CBX1: variants seen among roughly 807,000 people sequenced by gnomAD.
CBX1 encodes chromobox protein homolog 1.
A neutral mutation model predicts 25.1 loss-of-function variants in CBX1; 10 were observed. The ratio of observed to expected loss-of-function variants is 0.40; its 90% CI spans 0.25 to 0.68. CBX1 has a LOEUF of 0.68. CBX1 is among the 30% of genes least tolerant of loss of function. The pLI is 0.40. For synonymous variants in CBX1, 63 were observed against 79.4 expected, an observed-to-expected ratio of 0.79 and a Z score of 1.10; for missense variants, 106 against 218.5, an observed-to-expected ratio of 0.49 and a Z score of 3.25.
At chr17:48,075,195 C>CTAT (rs199539567) in intron 3 of CBX1, 95 bp from the exon 4 acceptor site, 145 of 728,018 alleles carry the variant, frequency 2.0e-4, no homozygotes, top group Middle Eastern at 5.1e-4. Flanking sequence ...TAATCACAAA[C>CTAT]TCTTTTTTTT....
At position 48,070,457 on chromosome 17, in the gene CBX1, A is replaced by G. The variant is rs1224857679; in HGVS notation, c.*978T>C. 1.3e-5 allele frequency: 2 copies of G among 152,576 alleles called. No individual in the cohort carries two copies. Among genetic ancestry groups the G allele is most frequent in the African/African-American group, 2.4e-5 (1 of 41,436 alleles). 9.5% of individuals were successfully genotyped at this position (152,576 alleles called of 1,614,324 possible). On this transcript the variant is annotated 3_prime_UTR_variant, in exon 5 of 5. Coordinates refer to ENST00000225603, the MANE Select transcript of CBX1 (RefSeq NM_001127228.2). ...TCAAAGCTCAAAGTAAACGGCTCCA[A>G]GAGTTTTCCCCACTAAGAGCATGGG...
chr17:48,087,914 C>T (rs914612281), intron 1 of CBX1, among the ~76,000 whole-genome samples: 3 of 149,052 alleles, frequency 2.0e-5, no homozygotes, highest in Non-Finnish European at 4.5e-5. Context: ...AGAAGAAATA[C>T]AGATGCCTAG....
Position 48,070,228 on chromosome 17 carries a change from G to T in CBX1, c.*1207C>A, listed in dbSNP as rs531892609. 6 of 152,586 alleles carry T rather than the reference G, an allele frequency of 3.9e-5. No individual in the cohort carries two copies. Among genetic ancestry groups the T allele is most frequent in the African/African-American group, 1.5e-4 (6 of 41,378 alleles). The allele number at this position is 152,586 out of a possible 1,614,324, so 9.5% of individuals were successfully genotyped here. A position where few individuals can be genotyped will look rare whatever the true frequency, so the allele number is the denominator to read the frequency against. ...CTGATGGTTCTCATGACTCAAGACA[G>T]AGCATTTTGGGTATGTTACTTATTA... is the stretch of plus-strand genomic sequence containing the variant. On this transcript the variant is annotated 3_prime_UTR_variant, in exon 5 of 5. Transcript: ENST00000225603.
At chr17:48,099,736 T>C (rs2063397348) in intron 1 of CBX1, among the ~76,000 whole-genome samples, 1 of 152,200 alleles carries the variant, frequency 6.6e-6, no homozygotes, top group South Asian at 2.1e-4. Flanking sequence ...GGTTCTAGTA[T>C]ATAACTGATT....
At chr17:48,098,574 G>A (rs1274855918) in intron 1 of CBX1, among the ~76,000 whole-genome samples, 3 of 151,962 alleles carry the variant, frequency 2.0e-5, no homozygotes, top group Non-Finnish European at 4.4e-5. Flanking sequence ...CTCGGCTCAT[G>A]GCAACCTCTG....
intron 1 of CBX1, among the ~76,000 whole-genome samples, chr17:48,094,238 A>G (rs371451855): frequency 6.6e-6 from 1 of 151,864 alleles, no homozygotes; most frequent in Non-Finnish European, 1.5e-5. Context: ...GTTCAAGATC[A>G]GCCTGGCTAA....
intron 1 of CBX1, among the ~76,000 whole-genome samples, chr17:48,078,359 A>AT: frequency 6.6e-6 from 1 of 151,766 alleles, no homozygotes; most frequent in East Asian, 2.0e-4. Context: ...CGCCCAGCTA[A>AT]TTTTTTGTAT....
rs371451855 is a variant in CBX1 at position 48,094,238 on chromosome 17, A to C, written c.-38+7030T>G. 1.6e-3 allele frequency among the ~76,000 whole-genome samples: 239 copies of C among 151,978 alleles called. 6 individuals are homozygous for C. In the South Asian group the frequency reaches 0.049, roughly 31 times the overall value. On this transcript the variant is annotated intron_variant, in intron 1 of 4. Transcript: ENST00000225603. ...CACTTGAGGTCAGGAGTTCAAGATCAGCCTGGCTAAGATGGTGAAACCCCA... is the reference window on the plus strand; with the variant it reads ...CACTTGAGGTCAGGAGTTCAAGATCCGCCTGGCTAAGATGGTGAAACCCCA...
chr17:48,090,780 G>A (rs535505631), intron 1 of CBX1, among the ~76,000 whole-genome samples: 1 of 152,316 alleles, frequency 6.6e-6, no homozygotes, highest in East Asian at 1.9e-4. Context: ...CCCAGACTGG[G>A]TTAACTCTGT....
Position 48,096,908 on chromosome 17 carries a change from C to T in CBX1, c.-38+4360G>A, listed in dbSNP as rs116165471. Among the ~76,000 whole-genome samples, 1,323 of 152,182 alleles carry T rather than the reference C, an allele frequency of 8.7e-3. 22 individuals carry two copies. Among genetic ancestry groups the T allele is most frequent in the African/African-American group, 0.031 (1,272 of 41,518 alleles). On this transcript the variant is annotated intron_variant, in intron 1 of 4. Transcript: ENST00000225603. Reference sequence around the variant, plus strand: ...AGGAGTTCGAAACTAGCCTGGGCAACATAGTGAGTCCCTGCCTCTATTTAT... The same window carrying T: ...AGGAGTTCGAAACTAGCCTGGGCAATATAGTGAGTCCCTGCCTCTATTTAT...
chr17:48,085,933 G>A (rs1351735712), intron 1 of CBX1, among the ~76,000 whole-genome samples: 1 of 152,112 alleles, frequency 6.6e-6, no homozygotes. Context: ...GGCTGGTCAC[G>A]GTGGCATGCA....
chr17:48,093,705 A>G (rs1379337927), intron 1 of CBX1, among the ~76,000 whole-genome samples: 3 of 152,220 alleles, frequency 2.0e-5, no homozygotes, highest in Non-Finnish European at 4.4e-5. Context: ...CTTATTCCAG[A>G]CTAATTATGT....
Position 48,074,988 on chromosome 17 carries a change from A to C in CBX1, c.413+18T>G, listed in dbSNP as rs984194830. On this transcript the variant is annotated intron_variant, in intron 4 of 4. Coordinates refer to ENST00000225603, the MANE Select transcript of CBX1 (RefSeq NM_001127228.2). ...GAGAAGAAAAAAAACAACCACACAGAGCCACTGGCCGACTCACCATTTCAT... is the reference window on the plus strand; with the variant it reads ...GAGAAGAAAAAAAACAACCACACAGCGCCACTGGCCGACTCACCATTTCAT... 46 of 1,558,570 alleles carry C rather than the reference A, an allele frequency of 3.0e-5. No homozygotes were observed. The East Asian group carries it at 1.0e-3, about 35-fold the overall frequency.
In CBX1 at chr17:48,071,348, C is replaced by A. The variant is rs1431128641; in HGVS notation, c.*87G>T. 7.3e-6 allele frequency: 10 copies of A among 1,376,928 alleles called. No homozygotes were observed. In the East Asian group the frequency reaches 2.1e-4, roughly 29 times the overall value. 85.3% of individuals were successfully genotyped at this position (1,376,928 alleles called of 1,614,324 possible). On this transcript the variant is annotated 3_prime_UTR_variant, in exon 5 of 5. Transcript: ENST00000225603. ...CTTCAAAGGACATCTTCTCAAGCCA[C>A]CTCTATGGTGTCAAGACAAGTAGAA...
intron 1 of CBX1, among the ~76,000 whole-genome samples, chr17:48,097,558 A>G (rs1273160383): frequency 6.6e-6 from 1 of 151,260 alleles, no homozygotes; most frequent in Non-Finnish European, 1.5e-5. Context: ...CGGAGGTTGC[A>G]GTGAGCTGAG....
At chr17:48,095,847 GA>G (rs1160772399) in intron 1 of CBX1, 1 of 152,206 alleles carries the variant, frequency 6.6e-6, no homozygotes, top group African/African-American at 2.4e-5. Context: ...TGACTAAGCA[GA>G]AAACAAGAAC....
intron 1 of CBX1, among the ~76,000 whole-genome samples, chr17:48,080,082 G>T (rs917805600): frequency 1.3e-5 from 2 of 151,918 alleles, no homozygotes; most frequent in Middle Eastern, 3.2e-3. Context: ...TCCCTCTGTC[G>T]CCCAGGCTGC....
chr17:48,095,315 C>T (rs926757036), intron 1 of CBX1, among the ~76,000 whole-genome samples: 1 of 151,990 alleles, frequency 6.6e-6, no homozygotes, highest in Non-Finnish European at 1.5e-5. Context: ...TCAGGTGGGG[C>T]GCGGTGGCTC....
chr17:48,098,179 A>AG (rs2063386119), intron 1 of CBX1, among the ~76,000 whole-genome samples: 3 of 152,090 alleles, frequency 2.0e-5, no homozygotes. Flanking sequence ...TGTGTCCAGG[A>AG]GGTTGAGGCT....
Sources: allele counts gnomAD v4.1 joint callset (sites outside exome capture counted in the v4.1 genomes callset), GRCh38; gene constraint gnomAD v4.1.1; transcripts MANE v1.5; gene names NCBI Gene and HGNC (gene_info 2026-07-23, HGNC 2026-07-21).